The following GRID1 variants were observed in gnomAD, a reference collection of about 807,000 sequenced individuals.
The protein encoded by GRID1 is glutamate ionotropic receptor delta type subunit 1.
Under a neutral mutation model 98.0 loss-of-function variants are expected in GRID1, and 28 were observed. That is an observed-to-expected ratio of 0.29 (90% CI 0.21 to 0.39). GRID1 has a LOEUF of 0.39. Ranked by LOEUF, GRID1 falls within the 10% of genes least tolerant of loss-of-function variation. GRID1 has a pLI of 1.00. For synonymous variants in GRID1, 553 were observed against 538.5 expected (o/e 1.03, Z -0.37); for missense variants, 1,111 against 1,340.5 (o/e 0.83, Z 2.67).
intron 6 of GRID1, among the ~76,000 whole-genome samples, chr10:85,867,036 G>C (rs1378980001): frequency 1.3e-5 from 2 of 152,086 alleles, no homozygotes; most frequent in South Asian, 2.1e-4. Flanking sequence ...CCATGGGCAC[G>C]TGTCATTTAA....
At chr10:85,619,058 T>C (rs1842826270) in intron 14 of GRID1, among the ~76,000 whole-genome samples, 1 of 152,224 alleles carries the variant, frequency 6.6e-6, no homozygotes, top group Admixed American at 6.5e-5. Flanking sequence ...TGGCAGAGCC[T>C]GCCCCAGGGC....
chr10:85,744,099 A>G (rs1197203182), intron 8 of GRID1, among the ~76,000 whole-genome samples: 5 of 152,148 alleles, frequency 3.3e-5, no homozygotes, highest in Admixed American at 6.5e-5. Context: ...GAAAATGTGG[A>G]CCCATGAAAT....
intron 3 of GRID1, among the ~76,000 whole-genome samples, chr10:86,197,194 C>T (rs568201456): frequency 6.6e-6 from 1 of 151,632 alleles, no homozygotes; most frequent in East Asian, 1.9e-4. Flanking sequence ...AAGGGAAGGC[C>T]CCACGGGACA....
intron 2 of GRID1, among the ~76,000 whole-genome samples, chr10:86,258,173 T>C (rs1370535500): frequency 2.0e-5 from 3 of 152,188 alleles, no homozygotes; most frequent in Non-Finnish European, 4.4e-5. Flanking sequence ...TTCATGAGAA[T>C]AGCCAACCCT....
chr10:86,292,101 C>T (rs1309451344), intron 2 of GRID1, among the ~76,000 whole-genome samples: 1 of 152,236 alleles, frequency 6.6e-6, no homozygotes, highest in African/African-American at 2.4e-5. Context: ...TCCACAGACA[C>T]CCTCCAGGTC....
intron 3 of GRID1, among the ~76,000 whole-genome samples, chr10:86,167,316 G>A (rs1043904366): frequency 6.6e-6 from 1 of 152,252 alleles, no homozygotes; most frequent in African/African-American, 2.4e-5. Context: ...GAGGAAGACT[G>A]AAGGCCTGAG....
At chr10:85,985,577 A>G (rs1278230039) in intron 4 of GRID1, among the ~76,000 whole-genome samples, 1 of 152,206 alleles carries the variant, frequency 6.6e-6, no homozygotes, top group Non-Finnish European at 1.5e-5. Context: ...CCCCAGATGC[A>G]GCAAGAACCT....
At chr10:86,160,285 C>A (rs1056763047) in intron 3 of GRID1, among the ~76,000 whole-genome samples, 7 of 152,166 alleles carry the variant, frequency 4.6e-5, no homozygotes, top group Admixed American at 2.6e-4. Flanking sequence ...ATGCACCTCA[C>A]CAAAGCACAA....
At chr10:85,747,834 A>C (rs1190536628) in intron 8 of GRID1, among the ~76,000 whole-genome samples, 5 of 152,212 alleles carry the variant, frequency 3.3e-5, no homozygotes, top group Non-Finnish European at 7.3e-5. Context: ...GGGTCTTCCC[A>C]TATCTAATTT....
chr10:85,780,244 C>A (rs1309544810), intron 8 of GRID1, among the ~76,000 whole-genome samples: 1 of 152,180 alleles, frequency 6.6e-6, no homozygotes, highest in Non-Finnish European at 1.5e-5. Context: ...GCCTTGCTGC[C>A]ATGGGCACTG....
intron 3 of GRID1, among the ~76,000 whole-genome samples, chr10:86,177,592 CAG>C (rs1491230970): frequency 6.6e-6 from 1 of 150,834 alleles, no homozygotes; most frequent in Non-Finnish European, 1.5e-5. Flanking sequence ...GAGACAGAGA[CAG>C]TGTGTGTGTG....
At chr10:85,630,820 C>T (rs1397253495) in intron 13 of GRID1, among the ~76,000 whole-genome samples, 1 of 152,200 alleles carries the variant, frequency 6.6e-6, no homozygotes, top group East Asian at 1.9e-4. Flanking sequence ...ATAACCTTTA[C>T]AGGTGATCCT....
intron 3 of GRID1, among the ~76,000 whole-genome samples, chr10:86,203,098 G>A (rs1270124229): frequency 6.6e-6 from 1 of 152,178 alleles, no homozygotes; most frequent in East Asian, 1.9e-4. Context: ...GAGGGATGTT[G>A]GGTGGCTAGA....
At chr10:85,604,390 G>T (rs1842626254) in intron 15 of GRID1, among the ~76,000 whole-genome samples, 1 of 152,170 alleles carries the variant, frequency 6.6e-6, no homozygotes, top group Non-Finnish European at 1.5e-5. Flanking sequence ...AGGATGCTAT[G>T]GGATGTGGCT....
At chr10:85,900,056 A>C (rs1185225270) in intron 5 of GRID1, among the ~76,000 whole-genome samples, 1 of 152,224 alleles carries the variant, frequency 6.6e-6, no homozygotes, top group Non-Finnish European at 1.5e-5. Flanking sequence ...CTGAGACTAC[A>C]GTCTCTGTAA....
chr10:85,749,251 T>G (rs1463339586), intron 8 of GRID1, among the ~76,000 whole-genome samples: 2 of 152,184 alleles, frequency 1.3e-5, no homozygotes, highest in Admixed American at 1.3e-4. Flanking sequence ...GTCTCTTGCT[T>G]CTGGCTCAGA....
At chr10:85,728,470 C>G (rs1051873800) in intron 9 of GRID1, among the ~76,000 whole-genome samples, 1 of 152,190 alleles carries the variant, frequency 6.6e-6, no homozygotes, top group Non-Finnish European at 1.5e-5. Flanking sequence ...CGATAAAGCT[C>G]TGTGACATTA....
At chr10:85,841,340 G>C (rs1249171758) in intron 8 of GRID1, among the ~76,000 whole-genome samples, 1 of 152,002 alleles carries the variant, frequency 6.6e-6, no homozygotes, top group African/African-American at 2.4e-5. Context: ...AACTCAATAT[G>C]GATTAAAAAT....
At chr10:86,292,971 A>C (rs536718679) in intron 2 of GRID1, among the ~76,000 whole-genome samples, 1 of 152,080 alleles carries the variant, frequency 6.6e-6, no homozygotes, top group Admixed American at 6.6e-5. Context: ...AAGAAAGCCA[A>C]CTGGGCCTGG....
Sources: gnomAD v4.1 joint callset for allele counts (sites outside exome capture counted in the v4.1 genomes callset) on GRCh38, gnomAD v4.1.1 for gene constraint, MANE v1.5 for transcripts, NCBI Gene and HGNC (gene_info 2026-07-23, HGNC 2026-07-21) for gene names.